GALNTL6: variants seen among roughly 807,000 people sequenced by gnomAD.
The protein encoded by GALNTL6 is polypeptide N-acetylgalactosaminyltransferase-like 6.
GALNTL6 carries 46 observed loss-of-function variants against 73.7 expected under a neutral mutation model. That is an observed-to-expected ratio of 0.62 (90% CI 0.49 to 0.80). The LOEUF (loss-of-function observed/expected upper bound fraction) is 0.80, where lower values mean the gene tolerates loss of function less well. Ranked by LOEUF, GALNTL6 falls within the 30% of genes least tolerant of loss-of-function variation. GALNTL6 has a pLI of 0.00. For synonymous variants in GALNTL6, 259 were observed against 263.7 expected, an observed-to-expected ratio of 0.98 and a Z score of 0.17; for missense variants, 604 against 755.0, an observed-to-expected ratio of 0.80 and a Z score of 2.34.
At chr4:172,788,595 C>T in intron 5 of GALNTL6, among the ~76,000 whole-genome samples, 1 of 150,054 alleles carries the variant, frequency 6.7e-6, no homozygotes, top group Admixed American at 6.7e-5. Flanking sequence ...TGCCGTGAAA[C>T]CGGGAGGCGG....
chr4:172,700,292 G>A (rs548853295), intron 5 of GALNTL6, among the ~76,000 whole-genome samples: 1 of 152,214 alleles, frequency 6.6e-6, no homozygotes, highest in East Asian at 1.9e-4. Flanking sequence ...GAAGAAAAAT[G>A]CAGTGGACAT....
chr4:172,034,211 T>C (rs1482129318), intron 2 of GALNTL6, among the ~76,000 whole-genome samples: 1 of 152,130 alleles, frequency 6.6e-6, no homozygotes, highest in African/African-American at 2.4e-5. Context: ...ACCTCCCCTG[T>C]GCCTGAGTTC....
At chr4:172,984,315 G>T (rs1366316492) in intron 10 of GALNTL6, among the ~76,000 whole-genome samples, 2 of 152,182 alleles carry the variant, frequency 1.3e-5, no homozygotes, top group Non-Finnish European at 2.9e-5. Context: ...AGGGCAGCAG[G>T]AGAGAGAATA....
chr4:172,318,759 A>G (rs1740656973), intron 4 of GALNTL6, among the ~76,000 whole-genome samples: 1 of 150,380 alleles, frequency 6.6e-6, no homozygotes, highest in Non-Finnish European at 1.5e-5. Flanking sequence ...GAAAGGCTGA[A>G]TGAGGACAAG....
At chr4:172,369,894 C>T (rs1167918087) in intron 5 of GALNTL6, among the ~76,000 whole-genome samples, 5 of 152,314 alleles carry the variant, frequency 3.3e-5, no homozygotes, top group South Asian at 2.1e-4. Context: ...GCTCCGGCCT[C>T]GGCCAACCCA....
At chr4:172,366,008 A>G (rs1742546742) in intron 5 of GALNTL6, among the ~76,000 whole-genome samples, 1 of 152,190 alleles carries the variant, frequency 6.6e-6, no homozygotes, top group African/African-American at 2.4e-5. Flanking sequence ...GAAGATATGA[A>G]TTAGATAATT....
chr4:172,825,656 G>A (rs573681119), intron 7 of GALNTL6, among the ~76,000 whole-genome samples: 39 of 152,050 alleles, frequency 2.6e-4, no homozygotes, highest in Non-Finnish European at 5.1e-4. Flanking sequence ...TGAGCAAAGT[G>A]GTGGATAAGG....
intron 2 of GALNTL6, among the ~76,000 whole-genome samples, chr4:172,035,492 CA>C (rs1560894456): frequency 6.6e-6 from 1 of 151,994 alleles, no homozygotes; most frequent in East Asian, 1.9e-4. Context: ...TAAAACAATA[CA>C]TTTGTGTTTA....
chr4:172,388,328 C>T (rs113489954), intron 5 of GALNTL6, among the ~76,000 whole-genome samples: 30 of 152,202 alleles, frequency 2.0e-4, no homozygotes, highest in African/African-American at 4.3e-4. Context: ...AATCATAGAA[C>T]GCAATGCTCT....
At chr4:172,523,077 T>A (rs961882456) in intron 5 of GALNTL6, among the ~76,000 whole-genome samples, 1 of 152,360 alleles carries the variant, frequency 6.6e-6, no homozygotes, top group East Asian at 1.9e-4. Context: ...ACATTTTGTC[T>A]CTTTGTTGGA....
At chr4:172,625,998 G>A (rs1301656603) in intron 5 of GALNTL6, among the ~76,000 whole-genome samples, 2 of 151,948 alleles carry the variant, frequency 1.3e-5, no homozygotes, top group East Asian at 1.9e-4. Flanking sequence ...AGTTTCTTTG[G>A]CTGTACAGAA....
In GALNTL6 at chr4:172,487,973, G is replaced by A. The variant is rs115716611; in HGVS notation, c.553+139284G>A. On this transcript the variant is annotated intron_variant, in intron 5 of 12. Coordinates refer to ENST00000506823, the MANE Select transcript of GALNTL6 (RefSeq NM_001034845.3). ...CTGCCATATATAGGCATTTTCTCCC[G>A]CTTATTCCAAAATCATTATCTTTAA... Among the ~76,000 whole-genome samples the A allele has an allele frequency of 2.8e-3, 422 of 152,118 alleles. 1 individual carries two copies. Among genetic ancestry groups the A allele is most frequent in the African/African-American group, 9.5e-3 (395 of 41,502 alleles).
At chr4:172,321,628 C>CA (rs1418862163) in intron 4 of GALNTL6, among the ~76,000 whole-genome samples, 1 of 151,934 alleles carries the variant, frequency 6.6e-6, no homozygotes, top group Non-Finnish European at 1.5e-5. Context: ...TAGAAAACAA[C>CA]AAAAAAGACC....
intron 5 of GALNTL6, among the ~76,000 whole-genome samples, chr4:172,640,313 G>A (rs1270135699): frequency 3.9e-5 from 6 of 152,020 alleles, no homozygotes; most frequent in East Asian, 1.9e-4. Flanking sequence ...CTGTTTGACC[G>A]GATGTTCTGC....
intron 4 of GALNTL6, among the ~76,000 whole-genome samples, chr4:172,338,072 T>C (rs906732848): frequency 6.6e-6 from 1 of 152,194 alleles, no homozygotes; most frequent in African/African-American, 2.4e-5. Context: ...CTGATGAAAG[T>C]CTTCAACTGT....
At chr4:172,177,957 G>A (rs555935715) in intron 2 of GALNTL6, among the ~76,000 whole-genome samples, 56 of 151,642 alleles carry the variant, frequency 3.7e-4, no homozygotes, top group African/African-American at 1.1e-3. Flanking sequence ...TGAAGCCATC[G>A]TGAATATGTC....
At chr4:172,797,561 T>A (rs1293164069) in intron 5 of GALNTL6, among the ~76,000 whole-genome samples, 9 of 151,728 alleles carry the variant, frequency 5.9e-5, no homozygotes, top group Admixed American at 5.9e-4. Context: ...TTGGTTTCTT[T>A]TTCTGAGACA....
At chr4:171,991,035 T>C (rs1740316362) in intron 2 of GALNTL6, among the ~76,000 whole-genome samples, 1 of 152,132 alleles carries the variant, frequency 6.6e-6, no homozygotes, top group South Asian at 2.1e-4. Flanking sequence ...GAAGTTCTCA[T>C]CTACACTCAT....
At chr4:172,018,521 TCC>T (rs1560887227) in intron 2 of GALNTL6, among the ~76,000 whole-genome samples, 2 of 151,926 alleles carry the variant, frequency 1.3e-5, no homozygotes, top group Non-Finnish European at 2.9e-5. Flanking sequence ...CTCACCCAGC[TCC>T]CACACAGTTG....
Sources: allele counts gnomAD v4.1 joint callset (sites outside exome capture counted in the v4.1 genomes callset), GRCh38; gene constraint gnomAD v4.1.1; transcripts MANE v1.5; gene names NCBI Gene and HGNC (gene_info 2026-07-23, HGNC 2026-07-21).